The following DEUP1 variants were observed in gnomAD, a reference collection of about 807,000 sequenced individuals.
The protein encoded by DEUP1 is coiled-coil domain containing 67.
DEUP1 carries 82 observed loss-of-function variants against 87.4 expected under a neutral mutation model. The ratio of observed to expected loss-of-function variants is 0.94; its 90% confidence interval spans 0.78 to 1.13. The LOEUF is 1.13. Ranked by LOEUF, DEUP1 falls within the 50% of genes most tolerant of loss-of-function variation. The pLI is 0.00. For synonymous variants in DEUP1, 214 were observed against 222.7 expected (o/e 0.96, Z 0.35); for missense variants, 663 against 681.5 (o/e 0.97, Z 0.30).
At chr11:93,359,861 CG>C (rs1945082084) in intron 4 of DEUP1, among the ~76,000 whole-genome samples, 1 of 152,142 alleles carries the variant, frequency 6.6e-6, no homozygotes, top group African/African-American at 2.4e-5. Flanking sequence ...CAAGGTAACC[CG>C]GGCCCTCTTT....
intron 12 of DEUP1, among the ~76,000 whole-genome samples, chr11:93,412,870 C>T (rs1294910412): frequency 2.0e-5 from 3 of 151,804 alleles, no homozygotes; most frequent in Non-Finnish European, 4.4e-5. Context: ...GTTTAATTTG[C>T]TGTTCTGTTT....
At chr11:93,392,197 C>T (rs1306722645) in intron 9 of DEUP1, among the ~76,000 whole-genome samples, 2 of 152,154 alleles carry the variant, frequency 1.3e-5, no homozygotes, top group Non-Finnish European at 2.9e-5. Flanking sequence ...GGTGTCATCC[C>T]CTAAAACCCA....
chr11:93,364,305 T>G lies in DEUP1; in HGVS notation c.432+11T>G. 6.2e-7 allele frequency: 1 copy of G among 1,602,602 alleles called. No homozygotes were observed. Among genetic ancestry groups the G allele is most frequent in the Non-Finnish European group, 8.5e-7 (1 of 1,171,018 alleles). On this transcript the variant is annotated intron_variant, in intron 5 of 13. Transcript: ENST00000298050. ...AACCAGAAATTAGAGGTGAGATATA[T>G]TATCTTAGTTTCTTCATGTGTATTA...
At chr11:93,366,460 T>C (rs72643373) in intron 5 of DEUP1, among the ~76,000 whole-genome samples, 11,859 of 152,270 alleles carry the variant, frequency 0.078, 612 homozygotes, top group Middle Eastern at 0.16. Context: ...TTTCCAGCCA[T>C]GAAGAACTTA....
intron 7 of DEUP1, among the ~76,000 whole-genome samples, chr11:93,372,295 C>T (rs1254718178): frequency 6.6e-6 from 1 of 152,090 alleles, no homozygotes; most frequent in African/African-American, 2.4e-5. Context: ...GGTTTTTTCT[C>T]CCACCTCCAA....
rs538635824 is a variant in DEUP1, at chr11:93,384,810, T to G, written c.790-588T>G. On this transcript the variant is annotated intron_variant, in intron 7 of 13. Transcript: ENST00000298050. ...TCATATTCACACTCAGTGTCATATT[T>G]GTGTGATGATTTGATTATTCTTTGT... is the stretch of plus-strand genomic sequence containing the variant. Among the ~76,000 whole-genome samples, 4 of 152,364 alleles carry G rather than the reference T, an allele frequency of 2.6e-5. No homozygotes were observed. In the South Asian group the frequency reaches 8.3e-4, roughly 32 times the overall value.
At chr11:93,331,298 C>A (rs1478134665) in intron 1 of DEUP1, among the ~76,000 whole-genome samples, 1 of 151,724 alleles carries the variant, frequency 6.6e-6, no homozygotes, top group Non-Finnish European at 1.5e-5. Context: ...AGTTGAAGTC[C>A]TTTTCAATAC....
chr11:93,401,435 A>C (rs1310309947), intron 11 of DEUP1, among the ~76,000 whole-genome samples: 1 of 152,132 alleles, frequency 6.6e-6, no homozygotes, highest in Non-Finnish European at 1.5e-5. Flanking sequence ...AGAAATAGAA[A>C]AAAAACTATT....
chr11:93,374,096 C>T (rs1352676122), intron 7 of DEUP1, among the ~76,000 whole-genome samples: 1 of 152,026 alleles, frequency 6.6e-6, no homozygotes. Flanking sequence ...TGAGAATTGT[C>T]ATTCATGTCC....
At position 93,415,046 on chromosome 11, in the gene DEUP1, C is replaced by T; in HGVS notation, c.1570C>T (p.Pro524Ser). The T allele has an allele frequency of 6.2e-7, 1 of 1,604,510 alleles. No individual in the cohort carries two copies. Among genetic ancestry groups the T allele is most frequent in the Non-Finnish European group, 8.5e-7 (1 of 1,176,426 alleles). ...EPNRSTMPPL[P>S]PSTFQAKEMT... ...AAACAGAAGTACAATGCCTCCCTTG[C>T]CACCTTCGACATTTCAAGCCAAAGA... Residue 524 changes from proline to serine, a missense_variant, in exon 13 of 14, where the codon CCA (proline) becomes TCA (serine). Pro to Ser is a moderately conservative substitution (Grantham distance 74). Coordinates refer to ENST00000298050, the MANE Select transcript of DEUP1 (RefSeq NM_181645.4).
chr11:93,376,988 G>C (rs1305233768), intron 7 of DEUP1, among the ~76,000 whole-genome samples: 1 of 152,106 alleles, frequency 6.6e-6, no homozygotes, highest in Non-Finnish European at 1.5e-5. Flanking sequence ...GAGAGTACTT[G>C]CTATAATTTC....
chr11:93,366,072 CATT>C (rs751098498), intron 5 of DEUP1, among the ~76,000 whole-genome samples: 31 of 152,112 alleles, frequency 2.0e-4, no homozygotes, highest in Non-Finnish European at 2.6e-4. Flanking sequence ...TTATATGTAA[CATT>C]GTTGTTATGG....
intron 12 of DEUP1, among the ~76,000 whole-genome samples, chr11:93,409,346 A>G (rs1056525306): frequency 7.2e-5 from 11 of 152,258 alleles, no homozygotes; most frequent in African/African-American, 2.4e-4. Flanking sequence ...TCTATCAAGC[A>G]TAAAAATAGG....
At chr11:93,366,470 AC>A (rs1202335673) in intron 5 of DEUP1, among the ~76,000 whole-genome samples, 1 of 152,212 alleles carries the variant, frequency 6.6e-6, no homozygotes, top group Admixed American at 6.5e-5. Flanking sequence ...TGAAGAACTT[AC>A]TGTTGGAGGT....
intron 7 of DEUP1, among the ~76,000 whole-genome samples, chr11:93,375,103 G>A (rs1338043372): frequency 6.7e-6 from 1 of 149,096 alleles, no homozygotes; most frequent in Non-Finnish European, 1.5e-5. Context: ...GGTCACTGTT[G>A]GTGTATAGCA....
intron 12 of DEUP1, among the ~76,000 whole-genome samples, chr11:93,413,891 A>G (rs905398593): frequency 1.3e-5 from 2 of 152,206 alleles, no homozygotes; most frequent in African/African-American, 4.8e-5. Context: ...AATTAGACGA[A>G]TAATTGAACT....
chr11:93,354,025 C>CTACTG (rs764505876), intron 2 of DEUP1, among the ~76,000 whole-genome samples: 21 of 152,308 alleles, frequency 1.4e-4, no homozygotes, highest in Non-Finnish European at 2.5e-4. Flanking sequence ...TTTTTCTTTT[C>CTACTG]TACTGCATCA....
At chr11:93,407,881 C>T (rs538547347) in intron 11 of DEUP1, among the ~76,000 whole-genome samples, 2 of 150,156 alleles carry the variant, frequency 1.3e-5, no homozygotes, top group East Asian at 2.1e-4. Flanking sequence ...TGGCAAAAAC[C>T]GCAATTACTT....
Position 93,356,987 on chromosome 11 carries a change from T to C in DEUP1, c.241T>C (p.Cys81Arg). The change falls in exon 4 of 14, where the codon TGT (cysteine) becomes CGT (arginine). Residue 81 changes from cysteine (C) to arginine (R), a missense_variant. Physicochemically the swap from Cys to Arg is radical, Grantham distance 180. Transcript: ENST00000298050. ...LRQKLDSLEK[C>R]NLAMTQNYEG... ...ACAGAAATTGGACAGTCTGGAAAAA[T>C]GTAATTTAGCAATGACTCAGAATTA... The C allele has an allele frequency of 3.1e-6, 5 of 1,603,982 alleles. No individual in the cohort carries two copies. Among genetic ancestry groups the C allele is most frequent in the African/African-American group, 1.3e-5 (1 of 74,750 alleles).
Sources: gnomAD v4.1 joint callset for allele counts (sites outside exome capture counted in the v4.1 genomes callset) on GRCh38, gnomAD v4.1.1 for gene constraint, MANE v1.5 for transcripts, NCBI Gene and HGNC (gene_info 2026-07-23, HGNC 2026-07-21) for gene names.